Variants in MYBPC1 observed in about 807,000 individuals in gnomAD.
The protein encoded by MYBPC1 is myosin-binding protein C, slow-type.
In MYBPC1, 52 loss-of-function variants were observed where a neutral mutation model predicts 147.1. The observed-to-expected ratio is 0.35, with a 90% CI of 0.28 to 0.45. MYBPC1 has a LOEUF of 0.45. Ranked by LOEUF, MYBPC1 falls within the 20% of genes least tolerant of loss-of-function variation. The pLI is 1.00. For missense variants in MYBPC1, 1,228 were observed against 1,440.3 expected (o/e 0.85, Z 2.39); for synonymous variants, 477 against 475.9 (o/e 1.00, Z -0.03).
the MYBPC1 span, among the ~76,000 whole-genome samples, chr12:101,692,732 G>A: frequency 2.6e-5 from 4 of 152,098 alleles, no homozygotes; most frequent in Non-Finnish European, 5.9e-5. Flanking sequence ...ATGGAGGGGA[G>A]CCATGATTCA....
Position 101,673,526 on chromosome 12 carries a change from A to G in MYBPC1, c.2713A>G (p.Ile905Val), listed in dbSNP as rs776428836. 6.2e-7 allele frequency: 1 copy of G among 1,614,178 alleles called. No homozygotes were observed. Among genetic ancestry groups the G allele is most frequent in the Non-Finnish European group, 8.5e-7 (1 of 1,179,998 alleles). Reference protein sequence around the residue: ...RNSETDTIIFIRKAERSHSGK... With the variant: ...RNSETDTIIFVRKAERSHSGK... The stretch of plus-strand genomic sequence containing the variant: ...CTCTGAGACTGATACAATCATATTT[A>G]TTAGAAAAGCAGAGAGGAGCCACTC... The change falls in exon 25 of 32, where the codon ATT becomes GTT. Residue 905 changes from isoleucine (I) to valine (V), a missense_variant. Ile to Val is a conservative substitution (Grantham distance 29). Around this residue, in one of 2 missense-constraint regions of MYBPC1, gnomAD observed 1,077 missense variants for 1,314.2 expected, o/e 0.82. Coordinates refer to ENST00000361466, the MANE Select transcript of MYBPC1 (RefSeq NM_002465.4).
intron 10 of MYBPC1, among the ~76,000 whole-genome samples, chr12:101,639,687 CATCT>C (rs1891651743): frequency 6.6e-6 from 1 of 152,120 alleles, no homozygotes; most frequent in Non-Finnish European, 1.5e-5. Context: ...TCAAAATTAT[CATCT>C]TTATTACTGG....
chr12:101,662,389 C>T lies in MYBPC1; in HGVS notation c.2064C>T (p.Ser688=), dbSNP rs1896721561. 1.2e-6 allele frequency: 2 copies of T among 1,614,172 alleles called. No individual in the cohort carries two copies. The highest frequency in any genetic ancestry group is 1.3e-5 in the African/African-American group (1 of 75,038). ...GYFIERKKKQ[S]SRWMRLNFDL... ...TTATTGAGAGGAAGAAGAAACAAAGCTCCAGGTGGATGAGGCTGAATTTTG... is the reference window on the plus strand; with the variant it reads ...TTATTGAGAGGAAGAAGAAACAAAGTTCCAGGTGGATGAGGCTGAATTTTG... Residue 688 remains serine, a synonymous_variant, in exon 21 of 32, where the codon AGC becomes AGT. Coordinates refer to ENST00000361466, the MANE Select transcript of MYBPC1 (RefSeq NM_002465.4).
rs1047093789 is a variant in MYBPC1 at position 101,652,332 on chromosome 12, G to A, written c.1527-346G>A. Among the ~76,000 whole-genome samples, 38 of 151,952 alleles carry A rather than the reference G, an allele frequency of 2.5e-4. 2 individuals carry two copies. The highest frequency in any genetic ancestry group is 1.5e-5 in the Non-Finnish European group (1 of 67,998). On this transcript the variant is annotated intron_variant, in intron 16 of 31. Transcript: ENST00000361466. ...TAAAGCCAAAATCAAGATTATTCTTGGCATCTCTTGAATCTTAAAGTATAG... is the reference window on the plus strand; with the variant it reads ...TAAAGCCAAAATCAAGATTATTCTTAGCATCTCTTGAATCTTAAAGTATAG...
chr12:101,622,158 C>T (rs1292737783), intron 3 of MYBPC1, among the ~76,000 whole-genome samples: 8 of 152,144 alleles, frequency 5.3e-5, no homozygotes, highest in Admixed American at 3.9e-4. Context: ...TGAAATATGA[C>T]TTACATATAT....
At position 101,634,557 on chromosome 12, in the gene MYBPC1, C is replaced by A; in HGVS notation, c.560C>A (p.Ser187Tyr). 1 of 1,612,242 alleles carries A rather than the reference C, an allele frequency of 6.2e-7. No homozygotes were observed. The highest frequency in any genetic ancestry group is 8.5e-7 in the Non-Finnish European group (1 of 1,178,376). ...SCSFDLEVHE[S>Y]TGTTPNIDIR... ...ATTGTTTTCTTTCCTTTCAAAGAAT[C>A]TACTGGGACTACTCCAAACATTGAC... Residue 187 changes from serine to tyrosine, a missense_variant, in exon 9 of 32, where the codon TCT (serine) becomes TAT (tyrosine). Physicochemically the swap from Ser to Tyr is moderately radical, Grantham distance 144. This residue lies in a region of MYBPC1 where 1,077 missense variants were observed against 1,314.2 expected (regional missense o/e 0.82). Coordinates refer to ENST00000361466, the MANE Select transcript of MYBPC1 (RefSeq NM_002465.4).
chr12:101,655,552 A>G (rs1360030925), intron 18 of MYBPC1, among the ~76,000 whole-genome samples: 1 of 152,230 alleles, frequency 6.6e-6, no homozygotes, highest in Non-Finnish European at 1.5e-5. Context: ...ACAAACGGAA[A>G]AACTAGCAAC....
intron 22 of MYBPC1, among the ~76,000 whole-genome samples, chr12:101,666,954 T>TGGG (rs1373036177): frequency 7.0e-6 from 1 of 142,070 alleles, no homozygotes; most frequent in East Asian, 2.2e-4. Context: ...TCCTTAGAGA[T>TGGG]GGGGGAGAGG....
At chr12:101,604,585 T>C (rs889189065) in intron 1 of MYBPC1, among the ~76,000 whole-genome samples, 1 of 152,220 alleles carries the variant, frequency 6.6e-6, no homozygotes, top group Non-Finnish European at 1.5e-5. Flanking sequence ...TGTAATATAT[T>C]ACTCCTTGCT....
At chr12:101,677,479 G>T in intron 27 of MYBPC1, 85 bp downstream of exon 27, 1 of 1,507,584 alleles carries the variant, frequency 6.6e-7, no homozygotes. Flanking sequence ...GTGGTGAAAG[G>T]GAACAAAAAA....
At chr12:101,653,998 T>A (rs547670837) in intron 18 of MYBPC1, among the ~76,000 whole-genome samples, 197 of 151,738 alleles carry the variant, frequency 1.3e-3, no homozygotes, top group African/African-American at 4.4e-3. Context: ...AAGCCAGGAG[T>A]TCCAGACCAG....
chr12:101,617,067 G>T lies in MYBPC1; in HGVS notation c.62-135G>T, dbSNP rs1478031674. The T allele has an allele frequency of 5.3e-6, 4 of 756,870 alleles. No homozygotes were observed. The East Asian group carries it at 1.1e-4, about 20-fold the overall frequency. 46.9% of individuals were successfully genotyped at this position (756,870 alleles called of 1,614,324 possible). ...TTTCTAAATTCATAATTCATGTACAGCACGAGTATTCAGTATCATTTATGA... is the reference window on the plus strand; with the variant it reads ...TTTCTAAATTCATAATTCATGTACATCACGAGTATTCAGTATCATTTATGA... On this transcript the variant is annotated intron_variant, in intron 2 of 31. Transcript: ENST00000361466.
At chr12:101,682,085 T>C (rs1465306765) in intron 29 of MYBPC1, among the ~76,000 whole-genome samples, 1 of 152,216 alleles carries the variant, frequency 6.6e-6, no homozygotes, top group Non-Finnish European at 1.5e-5. Context: ...TTAGCTGCTT[T>C]ATTGGCTTTA....
chr12:101,693,360 CAT>C, the MYBPC1 span, among the ~76,000 whole-genome samples: 1 of 152,074 alleles, frequency 6.6e-6, no homozygotes, highest in African/African-American at 2.4e-5. Flanking sequence ...GTAAAATGAA[CAT>C]GTTACTACTA....
At chr12:101,625,765 TAG>T (rs1888438082) in intron 3 of MYBPC1, among the ~76,000 whole-genome samples, 1 of 152,144 alleles carries the variant, frequency 6.6e-6, no homozygotes, top group African/African-American at 2.4e-5. Flanking sequence ...ATCACTTTAA[TAG>T]AGATGGTCTT....
intron 3 of MYBPC1, among the ~76,000 whole-genome samples, chr12:101,625,200 A>G (rs61279596): frequency 0.48 from 70,422 of 146,790 alleles, 16,901 homozygotes; most frequent in East Asian, 0.66. Flanking sequence ...AAAAATAAAT[A>G]AATAAACCTG....
At chr12:101,615,529 A>T (rs1885666950) in intron 2 of MYBPC1, among the ~76,000 whole-genome samples, 1 of 152,134 alleles carries the variant, frequency 6.6e-6, no homozygotes, top group East Asian at 1.9e-4. Context: ...GTAGTGGGGA[A>T]CTCTACATAG....
intron 18 of MYBPC1, among the ~76,000 whole-genome samples, chr12:101,655,268 A>G (rs188267279): frequency 2.0e-5 from 3 of 152,290 alleles, no homozygotes; most frequent in Admixed American, 2.0e-4. Context: ...TTAAGTGAAA[A>G]AAGTGAACTG....
intron 1 of MYBPC1, among the ~76,000 whole-genome samples, chr12:101,599,324 G>T (rs1426367797): frequency 6.6e-6 from 1 of 152,268 alleles, no homozygotes; most frequent in East Asian, 1.9e-4. Flanking sequence ...TGTTGTTGTT[G>T]TTGGGGTCCA....
Sources: gnomAD v4.1 joint callset for allele counts (sites outside exome capture counted in the v4.1 genomes callset) on GRCh38, gnomAD v4.1.1 for gene constraint, gnomAD v4.1.1 regional missense constraint, MANE v1.5 for transcripts, NCBI Gene and HGNC (gene_info 2026-07-23, HGNC 2026-07-21) for gene names.